The following UGT1A9 variants were observed in gnomAD, a reference collection of about 807,000 sequenced individuals.
UGT1A9 encodes the protein UDP-glucuronosyltransferase 1A9.
Under a neutral mutation model 45.0 loss-of-function variants are expected in UGT1A9, and 35 were observed. That is an observed-to-expected ratio of 0.78 (90% CI 0.59 to 1.03). UGT1A9 has a LOEUF of 1.03. UGT1A9 is among the 50% of genes least tolerant of loss of function. UGT1A9 has a pLI of 0.00. For synonymous variants in UGT1A9, 278 were observed against 250.6 expected (o/e 1.11, Z -1.03); for missense variants, 687 against 666.6 (o/e 1.03, Z -0.34).
chr2:233,739,265 T>C (rs749101347), intron 1 of UGT1A9, among the ~76,000 whole-genome samples: 1 of 152,088 alleles, frequency 6.6e-6, no homozygotes, highest in Non-Finnish European at 1.5e-5. Flanking sequence ...AAATGTGAGG[T>C]TGGAGCCCCC....
intron 1 of UGT1A9, among the ~76,000 whole-genome samples, chr2:233,717,147 A>G (rs2076552240): frequency 6.6e-6 from 1 of 152,232 alleles, no homozygotes. Flanking sequence ...ACATGGAAAT[A>G]GAACATGGGA....
intron 1 of UGT1A9, chr2:233,718,821 A>G: frequency 1.2e-6 from 2 of 1,613,492 alleles, no homozygotes; most frequent in Non-Finnish European, 1.7e-6. Flanking sequence ...TTCTGCTGAG[A>G]TGGCCAGAGG....
chr2:233,720,299 G>A (rs1559365753), intron 1 of UGT1A9, among the ~76,000 whole-genome samples: 1 of 152,118 alleles, frequency 6.6e-6, no homozygotes, highest in Admixed American at 6.5e-5. Flanking sequence ...AGGAGTTGGG[G>A]GTCTGGTGTA....
intron 1 of UGT1A9, among the ~76,000 whole-genome samples, chr2:233,698,143 A>C (rs995620275): frequency 3.9e-5 from 6 of 152,198 alleles, no homozygotes; most frequent in Non-Finnish European, 8.8e-5. Flanking sequence ...TCTCAACTGT[A>C]TTCCCAGCAT....
chr2:233,701,793 C>A (rs532653628), intron 1 of UGT1A9, among the ~76,000 whole-genome samples: 26 of 152,232 alleles, frequency 1.7e-4, no homozygotes, highest in African/African-American at 6.0e-4. Context: ...TCTTTGAAAT[C>A]AACGAGAACA....
intron 1 of UGT1A9, chr2:233,740,604 A>T (rs537335169): frequency 3.9e-5 from 6 of 151,968 alleles, no homozygotes; most frequent in Non-Finnish European, 5.9e-5. Flanking sequence ...ACAGGTCTCC[A>T]GGTCTCTTGG....
chr2:233,687,092 G>C (rs1460781839), intron 1 of UGT1A9, among the ~76,000 whole-genome samples: 4 of 152,196 alleles, frequency 2.6e-5, no homozygotes, highest in African/African-American at 9.7e-5. Flanking sequence ...CTTCAGCTGT[G>C]ACACTTGCGT....
chr2:233,742,570 A>C (rs1348152988), intron 1 of UGT1A9, among the ~76,000 whole-genome samples: 2 of 151,766 alleles, frequency 1.3e-5, no homozygotes, highest in Non-Finnish European at 2.9e-5. Flanking sequence ...TTCTGGCCGG[A>C]ATTGGGGGCT....
chr2:233,754,469 T>C (rs1695491558), intron 1 of UGT1A9: 1 of 357,106 alleles, frequency 2.8e-6, no homozygotes, highest in Non-Finnish European at 5.5e-6. Flanking sequence ...GTTCTGAAAG[T>C]AAAGTTCACT....
chr2:233,700,589 G>T (rs1048954941), intron 1 of UGT1A9, among the ~76,000 whole-genome samples: 1 of 152,036 alleles, frequency 6.6e-6, no homozygotes, highest in Admixed American at 6.5e-5. Flanking sequence ...AATTTATTAT[G>T]ATACAATTCA....
intron 1 of UGT1A9, chr2:233,718,914 T>A: frequency 6.2e-7 from 1 of 1,614,066 alleles, no homozygotes; most frequent in Non-Finnish European, 8.5e-7. Context: ...TGGAAAGGTG[T>A]TGGTGGTGCC....
intron 1 of UGT1A9, among the ~76,000 whole-genome samples, chr2:233,690,163 G>T (rs1373821993): frequency 1.3e-5 from 2 of 152,186 alleles, no homozygotes. Context: ...TTGACATGTA[G>T]TTATGTTTTT....
At chr2:233,714,752 CACTT>C (rs1470277525) in intron 1 of UGT1A9, among the ~76,000 whole-genome samples, 11 of 152,208 alleles carry the variant, frequency 7.2e-5, no homozygotes, top group African/African-American at 2.7e-4. Context: ...ATATATTTGA[CACTT>C]ACAGTATATC....
intron 1 of UGT1A9, among the ~76,000 whole-genome samples, chr2:233,765,369 A>G (rs139848699): frequency 2.0e-4 from 30 of 152,382 alleles, no homozygotes; most frequent in African/African-American, 7.0e-4. Flanking sequence ...ATGCCCATCA[A>G]TGGTAGATTG....
rs1215363887 is a variant in UGT1A9, at chr2:233,682,113, T to C, written c.855+9324T>C. The C allele has an allele frequency of 2.5e-6, 4 of 1,614,194 alleles. No individual in the cohort carries two copies. The South Asian group carries it at 4.4e-5, about 18-fold the overall frequency. ...AGGGGGCATGAGGTGGTCGTAGTCA[T>C]GCCAGAGGTGAGTTGGCAACTGGGA... On this transcript the variant is annotated intron_variant, in intron 1 of 4. Transcript: ENST00000354728.
intron 4 of UGT1A9, among the ~76,000 whole-genome samples, chr2:233,768,849 G>A (rs1699741817): frequency 6.6e-6 from 1 of 152,046 alleles, no homozygotes; most frequent in African/African-American, 2.4e-5. Flanking sequence ...CTGCCAAAGT[G>A]CTGAGATTAC....
In UGT1A9 at chr2:233,740,213, C is replaced by G. The variant is rs984335401; in HGVS notation, c.856-26821C>G. On this transcript the variant is annotated intron_variant, in intron 1 of 4. Coordinates refer to ENST00000354728, the MANE Select transcript of UGT1A9 (RefSeq NM_021027.3). Reference sequence around the variant, plus strand: ...CTTTCTTTTATAAATTACCCAGTCTCAGCTGCGTCTTTATAGCAGGCTGAG... The same window carrying G: ...CTTTCTTTTATAAATTACCCAGTCTGAGCTGCGTCTTTATAGCAGGCTGAG... Among the ~76,000 whole-genome samples the G allele has an allele frequency of 9.6e-4, 146 of 151,922 alleles. 3 individuals are homozygous for G. Among genetic ancestry groups the G allele is most frequent in the African/African-American group, 3.4e-3 (142 of 41,200 alleles).
rs565161721 is a variant in UGT1A9, at chr2:233,681,556, T to C, written c.855+8767T>C. ...AAAAAAAAAAAAAAAAAAAAAAAATTGCAAATTTTTCTTTGTGACAAATTC... is the reference window on the plus strand; with the variant it reads ...AAAAAAAAAAAAAAAAAAAAAAAATCGCAAATTTTTCTTTGTGACAAATTC... On this transcript the variant is annotated intron_variant, in intron 1 of 4. Coordinates refer to ENST00000354728, the MANE Select transcript of UGT1A9 (RefSeq NM_021027.3). 3.1e-4 allele frequency among the ~76,000 whole-genome samples: 46 copies of C among 147,906 alleles called. No individual in the cohort carries two copies. The East Asian group carries it at 6.7e-3, about 22-fold the overall frequency.
intron 4 of UGT1A9, among the ~76,000 whole-genome samples, chr2:233,768,726 G>T (rs929247208): frequency 2.6e-5 from 4 of 151,498 alleles, no homozygotes; most frequent in Non-Finnish European, 5.9e-5. Flanking sequence ...GGGATTACAG[G>T]TGTCCACCAC....
Sources: gnomAD v4.1 joint callset for allele counts (sites outside exome capture counted in the v4.1 genomes callset) on GRCh38, gnomAD v4.1.1 for gene constraint, MANE v1.5 for transcripts, NCBI Gene and HGNC (gene_info 2026-07-23, HGNC 2026-07-21) for gene names.